The following LGSN variants were observed in gnomAD, a reference collection of about 807,000 sequenced individuals.
The protein encoded by LGSN is lengsin, lens protein with glutamine synthetase domain, also known as lengsin.
LGSN carries 21 observed loss-of-function variants against 19.5 expected under a neutral mutation model. That is an observed-to-expected ratio of 1.07 (90% confidence interval 0.76 to 1.55). LGSN has a LOEUF of 1.55. Ranked by LOEUF, LGSN falls within the 40% of genes most tolerant of loss-of-function variation. The pLI is 0.00. For missense variants in LGSN, 673 were observed against 608.5 expected (o/e 1.11, Z -1.12); for synonymous variants, 257 against 215.6 (o/e 1.19, Z -1.68).
chr6:63,334,718 G>C, the LGSN span, among the ~76,000 whole-genome samples: 65 of 152,296 alleles, frequency 4.3e-4, no homozygotes, highest in Non-Finnish European at 8.5e-4. Context: ...TATATTACAA[G>C]TGTATAGTAA....
chr6:63,569,563 T>C, the LGSN span, among the ~76,000 whole-genome samples: 1 of 152,246 alleles, frequency 6.6e-6, no homozygotes, highest in Non-Finnish European at 1.5e-5. Flanking sequence ...TATGCCACCA[T>C]GCTCAACTTC....
At chr6:63,541,335 A>T in the LGSN span, among the ~76,000 whole-genome samples, 2 of 151,970 alleles carry the variant, frequency 1.3e-5, no homozygotes, top group Non-Finnish European at 2.9e-5. Context: ...CGGGTGGATC[A>T]TGAGGTCAGG....
chr6:63,516,410 A>T, the LGSN span, among the ~76,000 whole-genome samples: 1 of 152,202 alleles, frequency 6.6e-6, no homozygotes, highest in African/African-American at 2.4e-5. Context: ...AGCAGAAGAG[A>T]TGAATAAAGT....
At chr6:63,444,708 G>C in the LGSN span, among the ~76,000 whole-genome samples, 2 of 152,122 alleles carry the variant, frequency 1.3e-5, no homozygotes, top group Non-Finnish European at 2.9e-5. Context: ...ATCTGCTCCT[G>C]TCTGACCCCT....
intron 3 of LGSN, among the ~76,000 whole-genome samples, chr6:63,281,831 C>T (rs1767333656): frequency 1.3e-5 from 2 of 152,154 alleles, no homozygotes; most frequent in African/African-American, 4.8e-5. Context: ...AATTAAAAAC[C>T]TCACTGTCTC....
At chr6:63,439,821 A>G in the LGSN span, among the ~76,000 whole-genome samples, 1 of 152,176 alleles carries the variant, frequency 6.6e-6, no homozygotes, top group Non-Finnish European at 1.5e-5. Context: ...TTAAGGTCCA[A>G]TTCAGATATC....
the LGSN span, among the ~76,000 whole-genome samples, chr6:63,503,357 T>C: frequency 1.3e-5 from 2 of 152,222 alleles, no homozygotes; most frequent in Non-Finnish European, 2.9e-5. Context: ...CTTCATCGCC[T>C]GGAAGTAAGG....
chr6:63,438,086 C>T, the LGSN span, among the ~76,000 whole-genome samples: 1 of 152,100 alleles, frequency 6.6e-6, no homozygotes, highest in African/African-American at 2.4e-5. Context: ...GCATTTCTTA[C>T]ACGGTATGAG....
chr6:63,451,757 T>C, the LGSN span, among the ~76,000 whole-genome samples: 5 of 151,890 alleles, frequency 3.3e-5, 1 homozygote, highest in Admixed American at 6.6e-5. Flanking sequence ...AAATAAAAAT[T>C]AATTAAAAAA....
the LGSN span, among the ~76,000 whole-genome samples, chr6:63,442,964 C>A: frequency 2.0e-4 from 30 of 152,246 alleles, no homozygotes; most frequent in African/African-American, 6.3e-4. Flanking sequence ...CACTCCTCAA[C>A]CCTTGGCGAT....
chr6:63,370,252 G>T, the LGSN span, among the ~76,000 whole-genome samples: 4 of 152,304 alleles, frequency 2.6e-5, no homozygotes, highest in East Asian at 7.7e-4. Context: ...GACAAGATGT[G>T]CTGGCATGGT....
At chr6:63,412,443 C>CAAGAAAGA in the LGSN span, among the ~76,000 whole-genome samples, 6 of 75,370 alleles carry the variant, frequency 8.0e-5, no homozygotes, top group African/African-American at 3.3e-4. Context: ...AGAAAGAAAG[C>CAAGAAAGA]AAGAAAGAAA....
In LGSN at chr6:63,280,330, A is replaced by C; in HGVS notation, c.1221T>G (p.Asn407Lys). ...CHGEKGTRIE[N>K]KLGSATANPY... is the part of the protein sequence containing the mutation. The stretch of plus-strand genomic sequence containing the variant: ...GGTTTGCTGTTGCTGAGCCTAGTTT[A>C]TTTTCTATCCGGGTGCCTTTCTCTC... The change falls in exon 4 of 4, where the codon AAT (asparagine) becomes AAG (lysine). Residue 407 changes from asparagine to lysine, a missense_variant. Transcript: ENST00000370657. 6.2e-7 allele frequency: 1 copy of C among 1,614,110 alleles called. No homozygotes were observed. The highest frequency in any genetic ancestry group is 8.5e-7 in the Non-Finnish European group (1 of 1,180,028).
At position 63,281,178 on chromosome 6, in the gene LGSN, C is replaced by G. The variant is rs1767296697; in HGVS notation, c.373G>C (p.Glu125Gln). ...TTGTCCTTTGGATTTGGTATCACTT[C>G]AAGATAACCTCGGGGCATGCAAACA... ...HGVCMPRGYL[E>Q]VIPNPKDNEM... The change falls in exon 4 of 4, where the codon GAA (glutamate) becomes CAA (glutamine). Residue 125 changes from glutamate to glutamine, a missense_variant. Transcript: ENST00000370657. 1 of 1,611,922 alleles carries G rather than the reference C, an allele frequency of 6.2e-7. No homozygotes were observed. The highest frequency in any genetic ancestry group is 8.5e-7 in the Non-Finnish European group (1 of 1,179,036).
the LGSN span, among the ~76,000 whole-genome samples, chr6:63,346,772 T>C: frequency 4.6e-5 from 7 of 151,174 alleles, no homozygotes; most frequent in African/African-American, 1.5e-4. Context: ...AATTGAATTA[T>C]AGGCCTGGAA....
At chr6:63,546,730 C>T in the LGSN span, among the ~76,000 whole-genome samples, 4 of 151,954 alleles carry the variant, frequency 2.6e-5, no homozygotes, top group African/African-American at 4.8e-5. Flanking sequence ...AGAGTACAAG[C>T]TTTCAGTTAG....
chr6:63,378,685 G>C, the LGSN span, among the ~76,000 whole-genome samples: 2 of 152,148 alleles, frequency 1.3e-5, no homozygotes, highest in Middle Eastern at 3.4e-3. Flanking sequence ...GAGATGCCAG[G>C]CTCTTTTTGA....
chr6:63,462,294 AAAT>A, the LGSN span, among the ~76,000 whole-genome samples: 1 of 152,150 alleles, frequency 6.6e-6, no homozygotes, highest in African/African-American at 2.4e-5. Flanking sequence ...TAGTGTCAGG[AAAT>A]AATAAGAACT....
At chr6:63,445,956 T>G in the LGSN span, among the ~76,000 whole-genome samples, 2 of 151,832 alleles carry the variant, frequency 1.3e-5, no homozygotes, top group Non-Finnish European at 2.9e-5. Flanking sequence ...GCCTACAAAG[T>G]GTACATGATC....
Sources: allele counts gnomAD v4.1 joint callset (sites outside exome capture counted in the v4.1 genomes callset), GRCh38; gene constraint gnomAD v4.1.1; transcripts MANE v1.5; gene names NCBI Gene and HGNC (gene_info 2026-07-23, HGNC 2026-07-21).